The following TBL1XR1 variants were observed in gnomAD, a reference collection of about 807,000 sequenced individuals.
TBL1XR1 encodes the protein TBL1X/Y related 1, also known as F-box-like/WD repeat-containing protein TBL1XR1.
TBL1XR1 carries 5 observed loss-of-function variants against 66.9 expected under a neutral mutation model. The observed-to-expected ratio is 0.07, with a 90% confidence interval of 0.04 to 0.16. The LOEUF is 0.16. Among genes scored for constraint, TBL1XR1 ranks in the 10% least tolerant of loss-of-function variants. The pLI is 1.00. For missense variants in TBL1XR1, 238 were observed against 623.2 expected (o/e 0.38, Z 6.58); for synonymous variants, 210 against 206.0 (o/e 1.02, Z -0.17).
chr3:177,102,388 T>G (rs982286419), intron 1 of TBL1XR1, among the ~76,000 whole-genome samples: 1 of 152,146 alleles, frequency 6.6e-6, no homozygotes, highest in African/African-American at 2.4e-5. Context: ...CAGGACCATA[T>G]TTTTTTATTT....
chr3:177,058,938 T>C (rs1002116803), intron 3 of TBL1XR1, among the ~76,000 whole-genome samples: 17 of 152,250 alleles, frequency 1.1e-4, no homozygotes, highest in African/African-American at 3.1e-4. Flanking sequence ...AAAAAAAGAA[T>C]TGTAATTATC....
rs73881954 is a variant in TBL1XR1 at position 177,074,625 on chromosome 3, C to T, written c.-45-9603G>A. On this transcript the variant is annotated intron_variant, in intron 2 of 15. Coordinates refer to ENST00000457928, the MANE Select transcript of TBL1XR1 (RefSeq NM_024665.7). Reference sequence around the variant, plus strand: ...CCGGCATTCTAACATCAACGGAGCCCACTGCCCTTTTCAAACAGACTTATA... The same window carrying T: ...CCGGCATTCTAACATCAACGGAGCCTACTGCCCTTTTCAAACAGACTTATA... 1.4e-3 allele frequency among the ~76,000 whole-genome samples: 214 copies of T among 152,230 alleles called. 1 individual carries two copies. The highest frequency in any genetic ancestry group is 5.1e-3 in the African/African-American group (211 of 41,530).
chr3:177,100,645 G>A (rs1457683496), intron 1 of TBL1XR1, among the ~76,000 whole-genome samples: 2 of 151,890 alleles, frequency 1.3e-5, no homozygotes, highest in Non-Finnish European at 2.9e-5. Flanking sequence ...GACTGGTCTC[G>A]AACTCCTGAC....
At chr3:177,112,150 G>C (rs773389764) in intron 1 of TBL1XR1, among the ~76,000 whole-genome samples, 1 of 117,596 alleles carries the variant, frequency 8.5e-6, no homozygotes, top group East Asian at 2.8e-4. Flanking sequence ...CTCTGTTGCC[G>C]AGGCTGAAGT....
intron 1 of TBL1XR1, among the ~76,000 whole-genome samples, chr3:177,135,333 GTATAC>G (rs1728824122): frequency 3.7e-5 from 2 of 53,816 alleles, no homozygotes; most frequent in African/African-American, 1.4e-4. Flanking sequence ...GTGTGTGTGT[GTATAC>G]ATATATATAT....
rs1052094655 is a variant in TBL1XR1 at position 177,020,443 on chromosome 3, T to C, written c.*5055A>G. The C allele has an allele frequency of 1.3e-5, 2 of 152,230 alleles. No homozygotes were observed. Among genetic ancestry groups the C allele is most frequent in the Admixed American group, 1.3e-4 (2 of 15,280 alleles). The allele number at this position is 152,230 out of a possible 1,614,324, so 9.4% of individuals were successfully genotyped here. A position where few individuals can be genotyped will look rare whatever the true frequency, so the allele number is the denominator to read the frequency against. ...CAAGAAGTAATAAAAATAGTAAAAT[T>C]TGTAATTTTATTATGGGCTTAAAGT... On this transcript the variant is annotated 3_prime_UTR_variant, in exon 16 of 16. Transcript: ENST00000457928.
At chr3:177,187,390 C>CAAAAAA (rs57592940) in intron 1 of TBL1XR1, among the ~76,000 whole-genome samples, 1 of 68,674 alleles carries the variant, frequency 1.5e-5, no homozygotes, top group African/African-American at 4.6e-5. Flanking sequence ...GACTCTATCT[C>CAAAAAA]AAAAAAAAAA....
chr3:177,179,135 A>G (rs1383831145), intron 1 of TBL1XR1, among the ~76,000 whole-genome samples: 4 of 150,468 alleles, frequency 2.7e-5, no homozygotes, highest in African/African-American at 4.9e-5. Flanking sequence ...AAAAAAAAAA[A>G]AAAAAAGATA....
chr3:177,105,702 G>A lies in TBL1XR1; in HGVS notation c.-121-7161C>T, dbSNP rs141378500. ...GATTAGAACCTAACTATGACGTGGT[G>A]AGCCCCTCACTCAGATGTAATTGGT... On this transcript the variant is annotated intron_variant, in intron 1 of 15. Transcript: ENST00000457928. Among the ~76,000 whole-genome samples, 887 of 152,232 alleles carry A rather than the reference G, an allele frequency of 5.8e-3. 9 individuals are homozygous for A. Among genetic ancestry groups the A allele is most frequent in the African/African-American group, 0.02 (840 of 41,522 alleles).
intron 1 of TBL1XR1, chr3:177,196,563 G>C (rs1454929397): frequency 6.8e-6 from 1 of 147,678 alleles, no homozygotes; most frequent in African/African-American, 2.4e-5. Flanking sequence ...CGGGGTCGCC[G>C]CGCCCGGGCC....
chr3:177,200,034 G>A (rs767508153), upstream of TBL1XR1, among the ~76,000 whole-genome samples: 11 of 151,948 alleles, frequency 7.2e-5, no homozygotes, highest in Non-Finnish European at 1.2e-4. Flanking sequence ...GTGCAATGGC[G>A]GAATGTCGGC....
intron 1 of TBL1XR1, among the ~76,000 whole-genome samples, chr3:177,161,864 A>G (rs1732255481): frequency 6.6e-6 from 1 of 152,170 alleles, no homozygotes; most frequent in Non-Finnish European, 1.5e-5. Flanking sequence ...TATTCTCAAC[A>G]TCATTTGTCA....
intron 15 of TBL1XR1, 122 bp downstream of exon 15, chr3:177,026,251 A>C: frequency 2.5e-6 from 2 of 789,836 alleles, no homozygotes; most frequent in South Asian, 3.7e-5. Flanking sequence ...AGGAAAAAAA[A>C]AAATCAGTAT....
chr3:177,123,311 T>C (rs1371210487), intron 1 of TBL1XR1, among the ~76,000 whole-genome samples: 1 of 147,774 alleles, frequency 6.8e-6, no homozygotes, highest in African/African-American at 2.5e-5. Context: ...AAAAGTTATA[T>C]AACATCTTCA....
chr3:177,043,959 C>CCCTA (rs1414472649), intron 10 of TBL1XR1, among the ~76,000 whole-genome samples: 1 of 152,066 alleles, frequency 6.6e-6, no homozygotes, highest in Non-Finnish European at 1.5e-5. Flanking sequence ...CTCTTCCCTC[C>CCCTA]CCTACCTTTT....
At chr3:177,170,913 T>C (rs532658580) in intron 1 of TBL1XR1, among the ~76,000 whole-genome samples, 10 of 152,140 alleles carry the variant, frequency 6.6e-5, no homozygotes, top group Non-Finnish European at 1.3e-4. Context: ...GATCATGTCT[T>C]ACCTGTCCCT....
chr3:177,185,985 C>G (rs1299105926), intron 1 of TBL1XR1, among the ~76,000 whole-genome samples: 1 of 152,046 alleles, frequency 6.6e-6, no homozygotes, highest in Non-Finnish European at 1.5e-5. Context: ...CACTCCAGCC[C>G]AGGTGACAGA....
In TBL1XR1 at chr3:177,047,340, T is replaced by C; in HGVS notation, c.824A>G (p.Asn275Ser). ...ACTTAGGATGAAATTTCCTTTCTTA[T>C]TCCATTTTAATGCAAATATAGGGCC... ...HKGPIFALKW[N>S]KKGNFILSAG... Residue 275 changes from asparagine to serine, a missense_variant, in exon 9 of 16, where the codon AAT becomes AGT. This residue lies in a region of TBL1XR1 where 89 missense variants were observed against 220.2 expected (regional missense o/e 0.40). Coordinates refer to ENST00000457928, the MANE Select transcript of TBL1XR1 (RefSeq NM_024665.7). The C allele has an allele frequency of 6.4e-7, 1 of 1,569,200 alleles. No individual in the cohort carries two copies. Among genetic ancestry groups the C allele is most frequent in the Non-Finnish European group, 8.7e-7 (1 of 1,155,322 alleles).
chr3:177,158,331 C>A (rs1241047624), intron 1 of TBL1XR1, among the ~76,000 whole-genome samples: 14 of 151,358 alleles, frequency 9.2e-5, no homozygotes, highest in Admixed American at 9.2e-4. Flanking sequence ...TGGGTTCAAG[C>A]CATTCTCCTG....
Sources: allele counts gnomAD v4.1 joint callset (sites outside exome capture counted in the v4.1 genomes callset), GRCh38; gene constraint gnomAD v4.1.1; regional missense constraint gnomAD v4.1.1; transcripts MANE v1.5; gene names NCBI Gene and HGNC (gene_info 2026-07-23, HGNC 2026-07-21).